PIKFYVE: variants seen among roughly 807,000 people sequenced by gnomAD.
The protein encoded by PIKFYVE is phosphoinositide kinase, FYVE-type zinc finger containing, also known as 1-phosphatidylinositol 3-phosphate 5-kinase.
PIKFYVE carries 122 observed loss-of-function variants against 257.9 expected under a neutral mutation model. That is an observed-to-expected ratio of 0.47 (90% CI 0.41 to 0.55). The LOEUF (loss-of-function observed/expected upper bound fraction) is 0.55, where lower values mean the gene tolerates loss of function less well. PIKFYVE is among the 20% of genes least tolerant of loss of function. The pLI is 0.00. For missense variants in PIKFYVE, 2,160 were observed against 2,536.6 expected (o/e 0.85, Z 3.19); for synonymous variants, 892 against 868.9 (o/e 1.03, Z -0.47).
intron 15 of PIKFYVE, 49 bp downstream of exon 15, chr2:208,315,422 C>T (rs903531776): frequency 6.3e-7 from 1 of 1,599,260 alleles, no homozygotes; most frequent in South Asian, 1.1e-5. Flanking sequence ...TGAGGCAGGA[C>T]TGATTGTAAT....
Position 208,346,103 on chromosome 2 carries a change from G to A in PIKFYVE, c.5165G>A (p.Ser1722Asn). 3 of 1,613,346 alleles carry A rather than the reference G, an allele frequency of 1.9e-6. No individual in the cohort carries two copies. The highest frequency in any genetic ancestry group is 2.5e-6 in the Non-Finnish European group (3 of 1,179,536). ...AGCCCTATCAGATTACCTGAAATGA[G>A]TGGAGGACAGACAAATCGTACAACA... ...SSSPIRLPEM[S>N]GGQTNRTTET... The change falls in exon 34 of 42, where the codon AGT becomes AAT. Residue 1722 changes from serine (S) to asparagine (N), a missense_variant. By Grantham distance (46) the Ser-to-Asn change is conservative. Transcript: ENST00000264380.
intron 5 of PIKFYVE, among the ~76,000 whole-genome samples, chr2:208,285,260 T>G (rs1345353801): frequency 6.6e-6 from 1 of 152,126 alleles, no homozygotes; most frequent in Non-Finnish European, 1.5e-5. Flanking sequence ...CATGCCCGGC[T>G]AATTTTTGTA....
intron 15 of PIKFYVE, 72 bp downstream of exon 15, chr2:208,315,445 G>A: frequency 6.4e-7 from 1 of 1,562,530 alleles, no homozygotes; most frequent in Non-Finnish European, 8.8e-7. Context: ...TTGTCTTAAT[G>A]GTAATCTGAA....
chr2:208,318,737 G>A (rs1285989576), intron 16 of PIKFYVE, among the ~76,000 whole-genome samples: 2 of 152,064 alleles, frequency 1.3e-5, no homozygotes, highest in Non-Finnish European at 2.9e-5. Context: ...GGCAGATCAC[G>A]ATGTCAGGAT....
Position 208,350,937 on chromosome 2 carries a change from T to C in PIKFYVE, c.5601T>C (p.Tyr1867=). Residue 1867 remains tyrosine (Y), a synonymous_variant, in exon 37 of 42, where the codon TAT becomes TAC. Coordinates refer to ENST00000264380, the MANE Select transcript of PIKFYVE (RefSeq NM_015040.4). Reference sequence around the variant, plus strand: ...GAGGCAAATCAGGAGCTGCCTTCTATGCAACTGAGGGTGAGCCTTTCTCAT... The same window carrying C: ...GAGGCAAATCAGGAGCTGCCTTCTACGCAACTGAGGGTGAGCCTTTCTCAT... The part of the protein sequence containing the change: ...ARGGKSGAAF[Y]ATEDDRFILK... 1 of 1,614,152 alleles carries C rather than the reference T, an allele frequency of 6.2e-7. No individual in the cohort carries two copies. Among genetic ancestry groups the C allele is most frequent in the Non-Finnish European group, 8.5e-7 (1 of 1,180,016 alleles).
intron 2 of PIKFYVE, among the ~76,000 whole-genome samples, chr2:208,272,160 A>G (rs1689508127): frequency 6.6e-6 from 1 of 151,984 alleles, no homozygotes; most frequent in Non-Finnish European, 1.5e-5. Context: ...GCGTGAACCC[A>G]GGAGGCGGGG....
At chr2:208,339,380 T>C (rs779558380) in intron 29 of PIKFYVE, 38 bp from the exon 30 acceptor site, 9 of 1,606,780 alleles carry the variant, frequency 5.6e-6, no homozygotes. Flanking sequence ...GGACTTAATG[T>C]ATGTAAATGA....
At chr2:208,276,605 A>G (rs937268730) in intron 3 of PIKFYVE, 107 bp from the exon 4 acceptor site, 3 of 836,008 alleles carry the variant, frequency 3.6e-6, no homozygotes, top group Non-Finnish European at 4.2e-6. Flanking sequence ...GTGGGAGAAC[A>G]TAATTATATG....
intron 16 of PIKFYVE, among the ~76,000 whole-genome samples, chr2:208,318,701 T>A (rs1695845703): frequency 6.6e-6 from 1 of 152,136 alleles, no homozygotes; most frequent in Admixed American, 6.5e-5. Flanking sequence ...GAGTGTGTAA[T>A]ACCAGCACTT....
chr2:208,354,482 A>G, intron 40 of PIKFYVE, 89 bp from the exon 41 acceptor site: 1 of 1,181,104 alleles, frequency 8.5e-7, no homozygotes, highest in Non-Finnish European at 1.3e-6. Context: ...TAACTGTCAT[A>G]GAAGTAGTAG....
intron 23 of PIKFYVE, among the ~76,000 whole-genome samples, chr2:208,332,931 T>C (rs1489792869): frequency 6.6e-6 from 1 of 152,100 alleles, no homozygotes; most frequent in Non-Finnish European, 1.5e-5. Flanking sequence ...TATATTACGT[T>C]TGTATTAGAA....
intron 15 of PIKFYVE, among the ~76,000 whole-genome samples, chr2:208,316,977 T>C (rs1040801323): frequency 1.3e-5 from 2 of 152,026 alleles, no homozygotes; most frequent in African/African-American, 4.8e-5. Flanking sequence ...TATACAAAAA[T>C]TAATTCAAGA....
intron 6 of PIKFYVE, among the ~76,000 whole-genome samples, chr2:208,287,873 C>T (rs1051923122): frequency 2.0e-5 from 3 of 152,090 alleles, no homozygotes; most frequent in Non-Finnish European, 2.9e-5. Context: ...GCATTATAGG[C>T]ATGAGCCACC....
At chr2:208,333,517 G>T in intron 24 of PIKFYVE, 24 bp downstream of exon 24, 3 of 1,604,436 alleles carry the variant, frequency 1.9e-6, no homozygotes, top group Non-Finnish European at 2.6e-6. Context: ...GGAATCTTGT[G>T]CATGATCTCA....
rs4675749 is a variant in PIKFYVE at position 208,297,665 on chromosome 2, A to G, written c.912-976A>G. Among the ~76,000 whole-genome samples, 186 of 152,298 alleles carry G rather than the reference A, an allele frequency of 1.2e-3. 3 individuals are homozygous for G. In the East Asian group the frequency reaches 0.023, roughly 19 times the overall value. Reference sequence around the variant, plus strand: ...GATGCTGTGAAGATTAAATGTGGGAAGATACAGATACTGCCCTAATGAATG... The same window carrying G: ...GATGCTGTGAAGATTAAATGTGGGAGGATACAGATACTGCCCTAATGAATG... On this transcript the variant is annotated intron_variant, in intron 7 of 41. Transcript: ENST00000264380.
chr2:208,293,908 A>G (rs1171106192), intron 7 of PIKFYVE, among the ~76,000 whole-genome samples: 1 of 151,886 alleles, frequency 6.6e-6, no homozygotes, highest in Non-Finnish European at 1.5e-5. Context: ...TTTTTTTGAC[A>G]TTTATCCACG....
In PIKFYVE at chr2:208,276,738, T is replaced by C. The variant is rs369230561; in HGVS notation, c.349T>C (p.Phe117Leu). 4.3e-6 allele frequency: 7 copies of C among 1,613,598 alleles called. No individual in the cohort carries two copies. In the African/African-American group the frequency reaches 8.0e-5, roughly 18 times the overall value. The change falls in exon 4 of 42, where the codon TTT becomes CTT. Residue 117 changes from phenylalanine to leucine, a missense_variant. Phe to Leu is a conservative substitution (Grantham distance 22). This residue lies in a region of PIKFYVE where 172 missense variants were observed against 180.6 expected (regional missense o/e 0.95). Coordinates refer to ENST00000264380, the MANE Select transcript of PIKFYVE (RefSeq NM_015040.4). ...LDTRRKAEPTFGGHDPRTAVQ... is the reference protein window; with the variant it reads ...LDTRRKAEPTLGGHDPRTAVQ... ...CACAAGAAGGAAAGCAGAACCTACC[T>C]TTGGAGGTCATGACCCTCGTACAGC...
At chr2:208,268,982 TGG>T (rs1157945851) in intron 1 of PIKFYVE, among the ~76,000 whole-genome samples, 1 of 152,132 alleles carries the variant, frequency 6.6e-6, no homozygotes, top group Non-Finnish European at 1.5e-5. Flanking sequence ...GGGTGAGACT[TGG>T]GGTATAGTGA....
chr2:208,330,459 T>G (rs1697411357), intron 22 of PIKFYVE, 64 bp from the exon 23 acceptor site: 1 of 1,595,058 alleles, frequency 6.3e-7, no homozygotes. Flanking sequence ...CATGCTGCAC[T>G]TTGACAGTGG....
Sources: allele counts gnomAD v4.1 joint callset (sites outside exome capture counted in the v4.1 genomes callset), GRCh38; gene constraint gnomAD v4.1.1; regional missense constraint gnomAD v4.1.1; transcripts MANE v1.5; gene names NCBI Gene and HGNC (gene_info 2026-07-23, HGNC 2026-07-21).